ST8SIA6: variants seen among roughly 807,000 people sequenced by gnomAD.
ST8SIA6 encodes alpha-2,8-sialyltransferase 8F.
ST8SIA6 carries 39 observed loss-of-function variants against 33.6 expected under a neutral mutation model. That is an observed-to-expected ratio of 1.16 (90% CI 0.90 to 1.52). The LOEUF (loss-of-function observed/expected upper bound fraction) is 1.52. Ranked by LOEUF, ST8SIA6 falls within the 40% of genes most tolerant of loss-of-function variation. ST8SIA6 has a pLI of 0.00. For synonymous variants in ST8SIA6, 172 were observed against 167.2 expected, an observed-to-expected ratio of 1.03 and a Z score of -0.22; for missense variants, 441 against 443.8, an observed-to-expected ratio of 0.99 and a Z score of 0.06.
chr10:17,414,439 G>A (rs1237885151), intron 2 of ST8SIA6, among the ~76,000 whole-genome samples: 1 of 152,138 alleles, frequency 6.6e-6, no homozygotes, highest in Non-Finnish European at 1.5e-5. Flanking sequence ...GCCTGCAGAG[G>A]AGCAACACTT....
chr10:17,444,808 G>C (rs1432398074), intron 2 of ST8SIA6, among the ~76,000 whole-genome samples: 1 of 152,194 alleles, frequency 6.6e-6, no homozygotes, highest in Admixed American at 6.5e-5. Context: ...AGAGATGGGG[G>C]AGAAACCCCT....
intron 2 of ST8SIA6, among the ~76,000 whole-genome samples, chr10:17,431,061 T>A (rs1408212093): frequency 6.6e-6 from 1 of 152,208 alleles, no homozygotes; most frequent in Non-Finnish European, 1.5e-5. Flanking sequence ...TAAAAAGATT[T>A]AGGCAGAAAT....
At chr10:17,358,156 G>T (rs1197986514) in intron 4 of ST8SIA6, among the ~76,000 whole-genome samples, 1 of 152,144 alleles carries the variant, frequency 6.6e-6, no homozygotes, top group Admixed American at 6.5e-5. Context: ...ATATCCATGT[G>T]TCTACCCAGT....
intron 4 of ST8SIA6, among the ~76,000 whole-genome samples, chr10:17,345,405 G>T (rs545588741): frequency 5.3e-5 from 8 of 152,332 alleles, no homozygotes; most frequent in African/African-American, 1.9e-4. Flanking sequence ...TCAAGAGCAC[G>T]TTGGAAGGTA....
chr10:17,451,858 T>C (rs12259924), intron 2 of ST8SIA6, among the ~76,000 whole-genome samples: 23,431 of 152,100 alleles, frequency 0.15, 1,923 homozygotes, highest in East Asian at 0.29. Context: ...AAACACAGAA[T>C]GGTATAAATT....
chr10:17,344,570 A>T (rs1848772752), intron 4 of ST8SIA6, among the ~76,000 whole-genome samples: 2 of 152,240 alleles, frequency 1.3e-5, no homozygotes, highest in Admixed American at 1.3e-4. Context: ...ACATATGGGC[A>T]TTAGGAGAGC....
rs115571490 is a variant in ST8SIA6, at chr10:17,340,867, A to G, written c.378-9315T>C. On this transcript the variant is annotated intron_variant, in intron 4 of 7. Coordinates refer to ENST00000377602, the MANE Select transcript of ST8SIA6 (RefSeq NM_001004470.3). Reference sequence around the variant, plus strand: ...CCTTTCCATTGCTGTCACATAGTGTAGAAGACTTACCCCCTGCACCCTAGC... The same window carrying G: ...CCTTTCCATTGCTGTCACATAGTGTGGAAGACTTACCCCCTGCACCCTAGC... Among the ~76,000 whole-genome samples the G allele has an allele frequency of 3.4e-3, 522 of 152,340 alleles. 6 individuals carry two copies. The highest frequency in any genetic ancestry group is 0.011 in the African/African-American group (458 of 41,584).
At chr10:17,435,797 T>C (rs985457270) in intron 2 of ST8SIA6, among the ~76,000 whole-genome samples, 1 of 152,168 alleles carries the variant, frequency 6.6e-6, no homozygotes, top group African/African-American at 2.4e-5. Flanking sequence ...CCTCAAGATA[T>C]TTTTTATAAC....
intron 2 of ST8SIA6, among the ~76,000 whole-genome samples, chr10:17,436,659 G>A (rs1247164455): frequency 1.3e-5 from 2 of 151,742 alleles, no homozygotes; most frequent in East Asian, 1.9e-4. Context: ...TGCTGAGAAT[G>A]ATGGTTTCCA....
chr10:17,386,635 TGA>T (rs746296121), intron 3 of ST8SIA6, among the ~76,000 whole-genome samples: 34 of 152,182 alleles, frequency 2.2e-4, no homozygotes, highest in Admixed American at 7.2e-4. Flanking sequence ...GTTCGAACCC[TGA>T]GAGAACGCCA....
chr10:17,356,575 A>T (rs1055964747), intron 4 of ST8SIA6, among the ~76,000 whole-genome samples: 3 of 151,948 alleles, frequency 2.0e-5, no homozygotes, highest in African/African-American at 7.3e-5. Flanking sequence ...TTTAGTAGAG[A>T]TGAGGTTTCA....
chr10:17,327,273 C>T (rs1018578852), intron 5 of ST8SIA6, 147 bp from the exon 6 acceptor site: 1 of 560,282 alleles, frequency 1.8e-6, no homozygotes, highest in Non-Finnish European at 3.0e-6. Flanking sequence ...TGCTAATCAA[C>T]TTACTATGAC....
chr10:17,380,360 G>A (rs1277483087), intron 3 of ST8SIA6, among the ~76,000 whole-genome samples: 1 of 152,158 alleles, frequency 6.6e-6, no homozygotes, highest in Non-Finnish European at 1.5e-5. Context: ...GTTAATGTCT[G>A]CTTACACTTA....
chr10:17,338,430 T>G (rs1188622374), intron 4 of ST8SIA6, among the ~76,000 whole-genome samples: 4 of 152,228 alleles, frequency 2.6e-5, no homozygotes, highest in Non-Finnish European at 4.4e-5. Flanking sequence ...CTTTGTGTTT[T>G]GACATCCACT....
chr10:17,390,092 C>T (rs900011755), intron 3 of ST8SIA6, among the ~76,000 whole-genome samples: 1 of 152,136 alleles, frequency 6.6e-6, no homozygotes, highest in Admixed American at 6.5e-5. Flanking sequence ...TGGGTTCAAA[C>T]GATCCTCCTG....
chr10:17,389,107 C>T lies in ST8SIA6; in HGVS notation c.290+1424G>A, dbSNP rs566784115. Among the ~76,000 whole-genome samples, 28 of 152,280 alleles carry T rather than the reference C, an allele frequency of 1.8e-4. No individual in the cohort carries two copies. The South Asian group carries it at 5.6e-3, about 30-fold the overall frequency. ...GGAACAGAAGATGGCAAGAAAAACT[C>T]ATTTCAACTCCCTGATTCGCTCCAG... On this transcript the variant is annotated intron_variant, in intron 3 of 7. Transcript: ENST00000377602.
intron 4 of ST8SIA6, among the ~76,000 whole-genome samples, chr10:17,348,962 TTTCAGGGAA>T (rs1848943369): frequency 6.6e-6 from 1 of 152,146 alleles, no homozygotes; most frequent in Admixed American, 6.5e-5. Flanking sequence ...GCTGATTAAT[TTTCAGGGAA>T]TTCAGAGCGA....
intron 4 of ST8SIA6, among the ~76,000 whole-genome samples, chr10:17,349,342 C>T (rs1848957688): frequency 1.3e-5 from 2 of 152,182 alleles, no homozygotes; most frequent in African/African-American, 2.4e-5. Context: ...CCATCACAGA[C>T]TTGCTGTATT....
chr10:17,390,473 A>T (rs1850548928), intron 3 of ST8SIA6, 58 bp downstream of exon 3: 3 of 1,403,422 alleles, frequency 2.1e-6, no homozygotes, highest in Non-Finnish European at 3.0e-6. Flanking sequence ...ACTGTCAGAC[A>T]TTCTGAAAAT....
Sources: gnomAD v4.1 joint callset for allele counts (sites outside exome capture counted in the v4.1 genomes callset) on GRCh38, gnomAD v4.1.1 for gene constraint, MANE v1.5 for transcripts, NCBI Gene and HGNC (gene_info 2026-07-23, HGNC 2026-07-21) for gene names.